Variants in ITPR1 observed in about 807,000 individuals in gnomAD.
The protein encoded by ITPR1 is inositol 1,4,5-trisphosphate-gated calcium channel ITPR1.
In ITPR1, 96 loss-of-function variants were observed where a neutral mutation model predicts 318.4. The observed-to-expected ratio is 0.30, with a 90% confidence interval of 0.26 to 0.36. The LOEUF (loss-of-function observed/expected upper bound fraction) is 0.36. ITPR1 is among the 10% of genes least tolerant of loss of function. ITPR1 has a pLI of 1.00. For missense variants in ITPR1, 2,440 were observed against 3,460.2 expected, an observed-to-expected ratio of 0.71 and a Z score of 7.40; for synonymous variants, 1,312 against 1,289.9, an observed-to-expected ratio of 1.02 and a Z score of -0.37.
intron 5 of ITPR1, among the ~76,000 whole-genome samples, chr3:4,634,438 C>G (rs1293927290): frequency 6.6e-6 from 1 of 151,598 alleles, no homozygotes; most frequent in African/African-American, 2.4e-5. Context: ...TCTTGAACTC[C>G]TGAGCTGAAG....
At chr3:4,540,770 T>G (rs1404220384) in intron 4 of ITPR1, among the ~76,000 whole-genome samples, 1 of 152,150 alleles carries the variant, frequency 6.6e-6, no homozygotes, top group Non-Finnish European at 1.5e-5. Flanking sequence ...GAGACAGGGT[T>G]TCAACATATT....
At chr3:4,819,108 T>A (rs1437501996) in intron 60 of ITPR1, among the ~76,000 whole-genome samples, 2 of 152,202 alleles carry the variant, frequency 1.3e-5, no homozygotes, top group African/African-American at 2.4e-5. Flanking sequence ...TTTACCTAGA[T>A]GTAATTTTCA....
intron 44 of ITPR1, among the ~76,000 whole-genome samples, chr3:4,759,707 G>A (rs75449206): frequency 6.6e-6 from 1 of 152,230 alleles, no homozygotes; most frequent in Admixed American, 6.5e-5. Context: ...TTTATCCTAA[G>A]ATGGTGTTTT....
chr3:4,840,710 T>C lies in ITPR1; in HGVS notation c.8190+3775T>C, dbSNP rs538893728. On this transcript the variant is annotated intron_variant, in intron 61 of 61. Coordinates refer to ENST00000649015, the MANE Select transcript of ITPR1 (RefSeq NM_001378452.1). ...GTTAGGATTGCTATTCTAAGTATTA[T>C]TTAACGATGCCTCTCATCTTGAAGT... is the stretch of plus-strand genomic sequence containing the variant. Among the ~76,000 whole-genome samples the C allele has an allele frequency of 1.2e-4, 18 of 152,342 alleles. No homozygotes were observed. The East Asian group carries it at 3.3e-3, about 28-fold the overall frequency.
chr3:4,683,367 C>T lies in ITPR1; in HGVS notation c.3162-19C>T. 11 of 1,613,928 alleles carry T rather than the reference C, an allele frequency of 6.8e-6. No individual in the cohort carries two copies. The highest frequency in any genetic ancestry group is 8.5e-6 in the Non-Finnish European group (10 of 1,179,830). On this transcript the variant is annotated intron_variant, in intron 26 of 61. Transcript: ENST00000649015. Reference sequence around the variant, plus strand: ...CATTTGTCATTCATTTGGCCTTTCCCCACCTTGTGCTCCTTTAGTGAGGAG... The same window carrying T: ...CATTTGTCATTCATTTGGCCTTTCCTCACCTTGTGCTCCTTTAGTGAGGAG...
At chr3:4,668,462 C>T (rs993112101) in intron 18 of ITPR1, among the ~76,000 whole-genome samples, 3 of 151,836 alleles carry the variant, frequency 2.0e-5, no homozygotes, top group African/African-American at 7.3e-5. Context: ...TCACTCTTTT[C>T]ATTCCCTTTT....
intron 4 of ITPR1, among the ~76,000 whole-genome samples, chr3:4,556,392 A>G (rs1350846889): frequency 6.6e-6 from 1 of 152,196 alleles, no homozygotes; most frequent in Non-Finnish European, 1.5e-5. Flanking sequence ...GTATAATGGG[A>G]TGTATCTATA....
intron 4 of ITPR1, among the ~76,000 whole-genome samples, chr3:4,612,342 G>A (rs565955408): frequency 2.0e-5 from 3 of 151,950 alleles, no homozygotes; most frequent in Non-Finnish European, 2.9e-5. Context: ...GATTACAGGC[G>A]TGAGCTGCCG....
intron 4 of ITPR1, among the ~76,000 whole-genome samples, chr3:4,619,772 C>T (rs191634113): frequency 1.5e-4 from 14 of 91,852 alleles, no homozygotes; most frequent in Non-Finnish European, 2.4e-4. Context: ...TCTCTTCTGC[C>T]CTCCCCTGCT....
chr3:4,542,190 A>C (rs1433002869), intron 4 of ITPR1, among the ~76,000 whole-genome samples: 1 of 152,220 alleles, frequency 6.6e-6, no homozygotes, highest in East Asian at 1.9e-4. Flanking sequence ...AATATATTCT[A>C]TCTCTAAAAA....
chr3:4,679,762 C>CT (rs2094259694), intron 24 of ITPR1, among the ~76,000 whole-genome samples: 1 of 152,148 alleles, frequency 6.6e-6, no homozygotes, highest in African/African-American at 2.4e-5. Context: ...TTGTGAAACA[C>CT]TGAGTTTGAG....
rs1221643455 is a variant in ITPR1, at chr3:4,662,262, C to T, written c.1412+20C>T. 6 of 1,560,448 alleles carry T rather than the reference C, an allele frequency of 3.8e-6. No individual in the cohort carries two copies. The highest frequency in any genetic ancestry group is 5.2e-6 in the Non-Finnish European group (6 of 1,151,348). ...AAGGAGGTGAGCACTCCCGCATGCT[C>T]AGCACAGCCGCCCTCCCGCACTGAG... On this transcript the variant is annotated intron_variant, in intron 15 of 61. Transcript: ENST00000649015.
In ITPR1 at chr3:4,735,262, G is replaced by A. The variant is rs1045543092; in HGVS notation, c.5452G>A (p.Asp1818Asn). 5.0e-6 allele frequency: 8 copies of A among 1,613,848 alleles called. No individual in the cohort carries two copies. Among genetic ancestry groups the A allele is most frequent in the African/African-American group, 1.3e-5 (1 of 75,014 alleles). Reference protein sequence around the residue: ...DKEGASNLVIDLIMNASSDRV... With the variant: ...DKEGASNLVINLIMNASSDRV... ...GGAGGGGGCTTCCAATCTAGTTATC[G>A]ACCTCATCATGAACGCATCCAGTGA... is the stretch of plus-strand genomic sequence containing the variant. Residue 1818 changes from aspartate to asparagine, a missense_variant, in exon 44 of 62, where the codon GAC (aspartate) becomes AAC (asparagine). By Grantham distance (23) the Asp-to-Asn change is conservative (BLOSUM62 1). This residue lies in a region of ITPR1 where 80 missense variants were observed against 122.0 expected (regional missense o/e 0.66). Transcript: ENST00000649015.
chr3:4,827,692 A>T (rs954762141), intron 60 of ITPR1, among the ~76,000 whole-genome samples: 1 of 152,192 alleles, frequency 6.6e-6, no homozygotes, highest in Non-Finnish European at 1.5e-5. Flanking sequence ...AATAAGCAAC[A>T]TTCAGAGTGC....
intron 4 of ITPR1, among the ~76,000 whole-genome samples, chr3:4,560,713 A>G (rs543043798): frequency 6.6e-6 from 1 of 152,294 alleles, no homozygotes; most frequent in South Asian, 2.1e-4. Context: ...GGAACAGATT[A>G]ACTTTGGTGC....
intron 4 of ITPR1, among the ~76,000 whole-genome samples, chr3:4,598,465 A>T (rs2125077985): frequency 6.6e-6 from 1 of 152,236 alleles, no homozygotes; most frequent in East Asian, 1.9e-4. Flanking sequence ...ACAAAAAAAT[A>T]CAAAAATTAG....
intron 60 of ITPR1, among the ~76,000 whole-genome samples, chr3:4,823,751 A>G (rs2049876200): frequency 1.3e-5 from 2 of 152,244 alleles, no homozygotes; most frequent in African/African-American, 4.8e-5. Context: ...GTTTGATAGC[A>G]GAGTAGAATG....
intron 52 of ITPR1, among the ~76,000 whole-genome samples, chr3:4,793,502 A>C (rs934902589): frequency 6.6e-6 from 1 of 152,242 alleles, no homozygotes; most frequent in African/African-American, 2.4e-5. Context: ...TGGAGTTTAC[A>C]TATCCAGATC....
chr3:4,781,821 A>G (rs944748182), intron 49 of ITPR1, among the ~76,000 whole-genome samples: 4 of 152,174 alleles, frequency 2.6e-5, no homozygotes, highest in Non-Finnish European at 5.9e-5. Flanking sequence ...TGTGTTTACA[A>G]AAAAATAAAG....
Sources: allele counts gnomAD v4.1 joint callset (sites outside exome capture counted in the v4.1 genomes callset), GRCh38; gene constraint gnomAD v4.1.1; regional missense constraint gnomAD v4.1.1; transcripts MANE v1.5; gene names NCBI Gene and HGNC (gene_info 2026-07-23, HGNC 2026-07-21).